Variants in GRM8 observed in about 807,000 individuals in gnomAD.
GRM8 encodes metabotropic glutamate receptor 8.
A neutral mutation model predicts 87.2 loss-of-function variants in GRM8; 47 were observed. The ratio of observed to expected loss-of-function variants is 0.54; its 90% CI spans 0.43 to 0.69. The LOEUF (loss-of-function observed/expected upper bound fraction) is 0.69. Among genes scored for constraint, GRM8 ranks in the 30% least tolerant of loss-of-function variants. The pLI is 0.00. For missense variants in GRM8, 1,019 were observed against 1,139.2 expected, an observed-to-expected ratio of 0.89 and a Z score of 1.52; for synonymous variants, 396 against 404.5, an observed-to-expected ratio of 0.98 and a Z score of 0.25.
intron 8 of GRM8, among the ~76,000 whole-genome samples, chr7:126,593,610 A>C (rs897676783): frequency 3.9e-5 from 6 of 152,086 alleles, no homozygotes; most frequent in African/African-American, 1.4e-4. Flanking sequence ...AAATGGATTA[A>C]ATACTTAAAT....
intron 6 of GRM8, among the ~76,000 whole-genome samples, chr7:126,828,249 C>T (rs1169163573): frequency 6.6e-6 from 1 of 152,150 alleles, no homozygotes; most frequent in East Asian, 1.9e-4. Flanking sequence ...GGAGGATTCC[C>T]TCTTTTTCTA....
chr7:126,888,363 C>T (rs1352869767), intron 6 of GRM8, among the ~76,000 whole-genome samples: 1 of 152,098 alleles, frequency 6.6e-6, no homozygotes, highest in Non-Finnish European at 1.5e-5. Flanking sequence ...TCATTTTGCA[C>T]CACCAATAAA....
intron 7 of GRM8, among the ~76,000 whole-genome samples, chr7:126,707,563 C>T (rs368071807): frequency 1.1e-4 from 17 of 152,190 alleles, no homozygotes; most frequent in African/African-American, 2.2e-4. Context: ...AGAGTTTCAA[C>T]GCATTAAAGG....
rs776674657 is a variant in GRM8 at position 126,894,543 on chromosome 7, C to T, written c.1156+7999G>A. On this transcript the variant is annotated intron_variant, in intron 6 of 10. Transcript: ENST00000339582. ...TTTTCTGAAAAAATGTGAGTATTTA[C>T]GTACTCGAAATTTTAACTAGAATTG... 3.9e-4 allele frequency among the ~76,000 whole-genome samples: 60 copies of T among 152,014 alleles called. 1 individual carries two copies. The highest frequency in any genetic ancestry group is 7.8e-4 in the Non-Finnish European group (53 of 67,934).
At chr7:126,558,271 T>G (rs754847486) in intron 8 of GRM8, among the ~76,000 whole-genome samples, 3 of 152,210 alleles carry the variant, frequency 2.0e-5, no homozygotes, top group Non-Finnish European at 4.4e-5. Context: ...GTTCTTTTTA[T>G]GTATTTCTTT....
chr7:126,537,995 C>T (rs914405533), intron 8 of GRM8, among the ~76,000 whole-genome samples: 13 of 152,168 alleles, frequency 8.5e-5, no homozygotes, highest in Admixed American at 5.2e-4. Flanking sequence ...GTTATTAAGA[C>T]GTTTTCAGTC....
At chr7:126,498,454 CA>C (rs1809109185) in intron 9 of GRM8, among the ~76,000 whole-genome samples, 1 of 151,838 alleles carries the variant, frequency 6.6e-6, no homozygotes, top group South Asian at 2.1e-4. Flanking sequence ...CTGCTTTCTG[CA>C]AGAGTACCTG....
chr7:126,456,370 G>T (rs568887697), intron 9 of GRM8, among the ~76,000 whole-genome samples: 1 of 151,398 alleles, frequency 6.6e-6, no homozygotes, highest in South Asian at 2.1e-4. Context: ...TGGGACTAGG[G>T]AGATAAAATC....
At chr7:127,125,502 A>T (rs1417645505) in intron 2 of GRM8, among the ~76,000 whole-genome samples, 1 of 151,994 alleles carries the variant, frequency 6.6e-6, no homozygotes, top group Non-Finnish European at 1.5e-5. Context: ...ACACGCAAGG[A>T]TACAAAAATA....
Position 126,745,392 on chromosome 7 carries a change from A to ATATATTATAT in GRM8, c.1357+24463_1357+24472dup, listed in dbSNP as rs71312851. ...TTGTTATTCATATTAAGACATAGTC[A>ATATATTATAT]TATATTATATTATATTATATTATAC... On this transcript the variant is annotated intron_variant, in intron 7 of 10. Coordinates refer to ENST00000339582, the MANE Select transcript of GRM8 (RefSeq NM_000845.3). Among the ~76,000 whole-genome samples the ATATATTATAT allele has an allele frequency of 3.3e-3, 478 of 146,256 alleles. 6 individuals are homozygous for ATATATTATAT. Among genetic ancestry groups the ATATATTATAT allele is most frequent in the African/African-American group, 0.01 (415 of 40,504 alleles).
chr7:126,910,876 T>C (rs1463521920), intron 3 of GRM8, among the ~76,000 whole-genome samples: 5 of 152,088 alleles, frequency 3.3e-5, no homozygotes, highest in African/African-American at 9.7e-5. Flanking sequence ...AGAAAGAAAA[T>C]AGACTTGTCA....
At chr7:126,449,913 G>A (rs1431489557) in intron 9 of GRM8, among the ~76,000 whole-genome samples, 2 of 151,780 alleles carry the variant, frequency 1.3e-5, no homozygotes, top group East Asian at 2.0e-4. Flanking sequence ...TCTATCACAC[G>A]CACTGATGGC....
rs1057153834 is a variant in GRM8, at chr7:126,456,487, T to G, written c.2431-10115A>C. Among the ~76,000 whole-genome samples, 3 of 126,540 alleles carry G rather than the reference T, an allele frequency of 2.4e-5. No individual in the cohort carries two copies. In the East Asian group the frequency reaches 6.7e-4, roughly 28 times the overall value. The allele number at this position is 126,540 out of a possible 152,430, so 83.0% of individuals were successfully genotyped here. A position where few individuals can be genotyped will look rare whatever the true frequency, so the allele number is the denominator to read the frequency against. ...ATACCTTTTTTTTCCCTTGAGACTT[T>G]GCTGAATCCTAAGTGTAAGAAAGCA... On this transcript the variant is annotated intron_variant, in intron 9 of 10. Coordinates refer to ENST00000339582, the MANE Select transcript of GRM8 (RefSeq NM_000845.3).
At chr7:126,874,514 G>A (rs1453149451) in intron 6 of GRM8, among the ~76,000 whole-genome samples, 2 of 151,676 alleles carry the variant, frequency 1.3e-5, no homozygotes, top group Non-Finnish European at 2.9e-5. Flanking sequence ...TTTTCCACTG[G>A]GCATACCATG....
chr7:126,518,393 T>C (rs1812485205), intron 9 of GRM8, among the ~76,000 whole-genome samples: 1 of 152,088 alleles, frequency 6.6e-6, no homozygotes, highest in South Asian at 2.1e-4. Flanking sequence ...AAATCTGATA[T>C]ACTGAGAGGT....
At chr7:126,884,243 C>T (rs971554322) in intron 6 of GRM8, among the ~76,000 whole-genome samples, 1 of 151,994 alleles carries the variant, frequency 6.6e-6, no homozygotes. Context: ...GCATTAAGAG[C>T]ATTTTCCACA....
intron 6 of GRM8, among the ~76,000 whole-genome samples, chr7:126,878,440 C>T (rs1799716692): frequency 6.6e-6 from 1 of 152,098 alleles, no homozygotes; most frequent in Admixed American, 6.5e-5. Context: ...TTCTTCAAAA[C>T]CTTCTGTGAG....
rs559475706 is a variant in GRM8 at position 126,466,070 on chromosome 7, C to T, written c.2431-19698G>A. On this transcript the variant is annotated intron_variant, in intron 9 of 10. Coordinates refer to ENST00000339582, the MANE Select transcript of GRM8 (RefSeq NM_000845.3). Reference sequence around the variant, plus strand: ...GTTTAGTTAATTTAAGAAAAATTTGCCTTTTTATACTTTTTCAGTCTTCCT... The same window carrying T: ...GTTTAGTTAATTTAAGAAAAATTTGTCTTTTTATACTTTTTCAGTCTTCCT... Among the ~76,000 whole-genome samples the T allele has an allele frequency of 1.7e-4, 26 of 151,850 alleles. No homozygotes were observed. In the South Asian group the frequency reaches 5.0e-3, roughly 29 times the overall value.
chr7:127,067,148 G>A (rs1272196940), intron 3 of GRM8, among the ~76,000 whole-genome samples: 2 of 152,136 alleles, frequency 1.3e-5, no homozygotes, highest in African/African-American at 2.4e-5. Context: ...CCATGTGAGG[G>A]CCCTGTTGCC....
Sources: gnomAD v4.1 joint callset for allele counts (sites outside exome capture counted in the v4.1 genomes callset) on GRCh38, gnomAD v4.1.1 for gene constraint, MANE v1.5 for transcripts, NCBI Gene and HGNC (gene_info 2026-07-23, HGNC 2026-07-21) for gene names.